The following SLC5A10 variants were observed in gnomAD, a reference collection of about 807,000 sequenced individuals.
SLC5A10 encodes the protein sodium/mannose cotransporter SLC5A10.
A neutral mutation model predicts 68.9 loss-of-function variants in SLC5A10; 55 were observed. That is an observed-to-expected ratio of 0.80 (90% confidence interval 0.64 to 1.00). The LOEUF (loss-of-function observed/expected upper bound fraction) is 1.00. Ranked by LOEUF, SLC5A10 falls within the 50% of genes least tolerant of loss-of-function variation. SLC5A10 has a pLI of 0.00. For missense variants in SLC5A10, 732 were observed against 819.3 expected (o/e 0.89, Z 1.30); for synonymous variants, 344 against 344.8 (o/e 1.00, Z 0.02).
intron 8 of SLC5A10, chr17:18,975,832 G>C (rs886257134): frequency 1.3e-5 from 2 of 152,130 alleles, no homozygotes; most frequent in African/African-American, 4.8e-5. Flanking sequence ...AAAACCATGG[G>C]AACAGTGTAC....
intron 9 of SLC5A10, among the ~76,000 whole-genome samples, chr17:18,997,841 G>A (rs562140090): frequency 2.0e-5 from 3 of 152,294 alleles, no homozygotes; most frequent in South Asian, 2.1e-4. Context: ...GGCATCTACC[G>A]ATGCCAGCTC....
chr17:18,960,447 C>A (rs563590657), intron 4 of SLC5A10, 101 bp from the exon 5 acceptor site: 2 of 1,036,844 alleles, frequency 1.9e-6, no homozygotes, highest in Non-Finnish European at 2.9e-6. Context: ...CTCGCAGCTG[C>A]TTTGTGGCGG....
rs978898275 is a variant in SLC5A10 at position 19,017,580 on chromosome 17, G to A, written c.1242-1843G>A. ...GAGCCGTCACAGGCTGGGGGAGAGCGATGACCCGCCCCCACTCCCGTATGC... is the reference window on the plus strand; with the variant it reads ...GAGCCGTCACAGGCTGGGGGAGAGCAATGACCCGCCCCCACTCCCGTATGC... On this transcript the variant is annotated intron_variant, in intron 11 of 14. Transcript: ENST00000395645. The surrounding 1 kb of genome is among the most constrained non-coding windows in gnomAD (Gnocchi z 5.6). The A allele has an allele frequency of 1.1e-4, 67 of 588,306 alleles. No homozygotes were observed. Among genetic ancestry groups the A allele is most frequent in the Non-Finnish European group, 1.7e-4 (58 of 333,422 alleles). The allele number at this position is 588,306 out of a possible 1,614,324, so 36.4% of individuals were successfully genotyped here.
rs201995487 is a variant in SLC5A10 at position 18,958,707 on chromosome 17, C to G, written c.137C>G (p.Thr46Arg). The G allele has an allele frequency of 1.2e-6, 2 of 1,614,206 alleles. No individual in the cohort carries two copies. The highest frequency in any genetic ancestry group is 2.2e-5 in the South Asian group (2 of 91,086). The change falls in exon 2 of 15, where the codon ACG becomes AGG. Residue 46 changes from threonine to arginine, a missense_variant. Transcript: ENST00000395645. ...TCCTCTTGTCGGGCCAGTAGGAACA[C>G]GGTGAATGGCTACTTCCTGGCAGGC... ...IWSSCRASRN[T>R]VNGYFLAGRD...
At chr17:18,998,712 A>C (rs1368378627) in intron 9 of SLC5A10, among the ~76,000 whole-genome samples, 2 of 152,226 alleles carry the variant, frequency 1.3e-5, no homozygotes, top group Non-Finnish European at 2.9e-5. Flanking sequence ...AGCGCACAGG[A>C]GTTAACACCT....
intron 5 of SLC5A10, among the ~76,000 whole-genome samples, chr17:18,967,867 C>T (rs2042742770): frequency 6.7e-6 from 1 of 149,006 alleles, no homozygotes; most frequent in African/African-American, 2.4e-5. Context: ...GGAGGCAGAT[C>T]CCGCCCCCAC....
chr17:18,999,147 G>T (rs567159610), intron 9 of SLC5A10, among the ~76,000 whole-genome samples: 2 of 152,122 alleles, frequency 1.3e-5, no homozygotes, highest in Non-Finnish European at 2.9e-5. Context: ...GCGTGGTGGC[G>T]CACACCTGTA....
chr17:18,953,649 T>C (rs536466272), intron 1 of SLC5A10: 20 of 146,812 alleles, frequency 1.4e-4, no homozygotes, highest in Admixed American at 2.0e-4. Context: ...GTGGTGGTGG[T>C]GGCAGTTGTA....
At chr17:18,987,572 T>G (rs1307509251) in intron 9 of SLC5A10, among the ~76,000 whole-genome samples, 1 of 151,626 alleles carries the variant, frequency 6.6e-6, no homozygotes, top group East Asian at 1.9e-4. Context: ...AGAAGGGAGG[T>G]GACATGCCCA....
upstream of SLC5A10, chr17:18,952,073 C>T (rs1409291834): frequency 8.5e-6 from 12 of 1,419,156 alleles, no homozygotes; most frequent in Non-Finnish European, 1.1e-5. Flanking sequence ...CTGCATGCAG[C>T]CACATCATGG....
chr17:18,988,500 G>A, intron 9 of SLC5A10: 2 of 1,567,548 alleles, frequency 1.3e-6, no homozygotes, highest in East Asian at 2.3e-5. Flanking sequence ...GCCCTCCCAT[G>A]CCACCAGCCT....
chr17:18,992,481 G>C (rs1278152024), intron 9 of SLC5A10, among the ~76,000 whole-genome samples: 2 of 152,232 alleles, frequency 1.3e-5, no homozygotes, highest in Non-Finnish European at 2.9e-5. Context: ...CTGCCCCCCA[G>C]CAGACACGGC....
At chr17:18,979,210 C>T (rs541966487) in intron 9 of SLC5A10, 9 of 462,826 alleles carry the variant, frequency 1.9e-5, no homozygotes, top group Middle Eastern at 6.1e-4. Flanking sequence ...CCATGGGCAG[C>T]GCCCACCCCA....
chr17:18,966,607 G>A (rs766950734), intron 5 of SLC5A10, among the ~76,000 whole-genome samples: 10 of 152,040 alleles, frequency 6.6e-5, no homozygotes, highest in Non-Finnish European at 1.0e-4. Context: ...AAAATTAGCC[G>A]GGCTTGATGG....
intron 9 of SLC5A10, among the ~76,000 whole-genome samples, chr17:18,984,138 C>T (rs1029826626): frequency 1.6e-4 from 24 of 151,972 alleles, no homozygotes; most frequent in Admixed American, 2.0e-4. Context: ...GTCAGCAGAT[C>T]GAGACCATCC....
chr17:18,978,762 C>A, intron 9 of SLC5A10: 1 of 1,612,968 alleles, frequency 6.2e-7, no homozygotes, highest in Non-Finnish European at 8.5e-7. Flanking sequence ...AGGTACAGCT[C>A]CTGGAACTGC....
intron 9 of SLC5A10, among the ~76,000 whole-genome samples, chr17:18,987,064 C>T (rs763047554): frequency 1.3e-5 from 2 of 152,180 alleles, no homozygotes; most frequent in East Asian, 1.9e-4. Flanking sequence ...CAACCGGAGG[C>T]GTTGGGGTTG....
rs1567772121 is a variant in SLC5A10 at position 18,952,208 on chromosome 17, GGCC to G, written c.7_9del (p.Ala3del). On this transcript the variant is annotated inframe_deletion, in exon 1 of 15. Transcript: ENST00000395645. ...CTAGTGCCTGCGGCAGGACAGCCAT[GGCC>G]GCCAACTCCACCAGCGACCTCCACA... 1.2e-5 allele frequency: 19 copies of G among 1,612,016 alleles called. No individual in the cohort carries two copies. Among genetic ancestry groups the G allele is most frequent in the Non-Finnish European group, 1.6e-5 (19 of 1,179,260 alleles).
intron 8 of SLC5A10, among the ~76,000 whole-genome samples, chr17:18,972,587 G>A (rs1235371087): frequency 6.6e-6 from 1 of 152,224 alleles, no homozygotes; most frequent in Non-Finnish European, 1.5e-5. Context: ...ACCTGGCCGG[G>A]GGCGGTGGCT....
Sources: gnomAD v4.1 joint callset for allele counts (sites outside exome capture counted in the v4.1 genomes callset) on GRCh38, gnomAD v4.1.1 for gene constraint, Gnocchi (gnomAD v3.1) non-coding constraint, MANE v1.5 for transcripts, NCBI Gene and HGNC (gene_info 2026-07-23, HGNC 2026-07-21) for gene names.